The following TMTC2 variants were observed in gnomAD, a reference collection of about 807,000 sequenced individuals.
TMTC2 encodes protein O-mannosyl-transferase TMTC2.
A neutral mutation model predicts 82.4 loss-of-function variants in TMTC2; 43 were observed. The observed-to-expected ratio is 0.52, with a 90% CI of 0.41 to 0.67. The LOEUF is 0.67. Among genes scored for constraint, TMTC2 ranks in the 30% least tolerant of loss-of-function variants. The pLI is 0.00. For synonymous variants in TMTC2, 408 were observed against 381.9 expected, an observed-to-expected ratio of 1.07 and a Z score of -0.80; for missense variants, 919 against 1,012.4, an observed-to-expected ratio of 0.91 and a Z score of 1.25.
intron 7 of TMTC2, among the ~76,000 whole-genome samples, chr12:82,977,137 A>G (rs1194769559): frequency 6.6e-6 from 1 of 152,022 alleles, no homozygotes; most frequent in Admixed American, 6.6e-5. Flanking sequence ...TAAATCAAGA[A>G]TTGAATACTA....
intron 11 of TMTC2, among the ~76,000 whole-genome samples, chr12:83,083,409 T>C (rs1193758603): frequency 6.6e-6 from 1 of 152,232 alleles, no homozygotes; most frequent in African/African-American, 2.4e-5. Context: ...TCTCCTATCA[T>C]TGAGACTTTG....
chr12:82,976,020 TG>T (rs1440782526), intron 7 of TMTC2, among the ~76,000 whole-genome samples: 1 of 152,140 alleles, frequency 6.6e-6, no homozygotes, highest in Non-Finnish European at 1.5e-5. Flanking sequence ...ATTATATTTT[TG>T]GGGAAAAGAT....
At chr12:82,781,381 A>G (rs2137009318) in intron 1 of TMTC2, among the ~76,000 whole-genome samples, 1 of 143,046 alleles carries the variant, frequency 7.0e-6, no homozygotes, top group Admixed American at 7.1e-5. Context: ...TGAATAGAGT[A>G]TGTGTGTGGA....
intron 7 of TMTC2, among the ~76,000 whole-genome samples, chr12:82,983,873 G>A (rs574388525): frequency 9.2e-5 from 14 of 151,886 alleles, no homozygotes; most frequent in African/African-American, 3.1e-4. Context: ...TATCTTTTCT[G>A]TTATATAAAT....
chr12:83,088,306 C>T (rs1264591562), intron 11 of TMTC2, among the ~76,000 whole-genome samples: 1 of 152,190 alleles, frequency 6.6e-6, no homozygotes, highest in Admixed American at 6.5e-5. Context: ...CAGACAATTA[C>T]ATCTTTTTTT....
rs149616170 is a variant in TMTC2 at position 82,866,300 on chromosome 12, C to T, written c.654+8720C>T. On this transcript the variant is annotated intron_variant, in intron 2 of 11. Coordinates refer to ENST00000321196, the MANE Select transcript of TMTC2 (RefSeq NM_152588.3). ...CTTTCTCCTGTGTCCCTTCTCCCAA[C>T]CTTGATGAACAATGTTCAGATATTA... Among the ~76,000 whole-genome samples, 80 of 150,322 alleles carry T rather than the reference C, an allele frequency of 5.3e-4. 2 individuals are homozygous for T. The East Asian group carries it at 9.8e-3, about 18-fold the overall frequency.
At chr12:82,721,784 A>C (rs900349272) in intron 1 of TMTC2, among the ~76,000 whole-genome samples, 1 of 152,214 alleles carries the variant, frequency 6.6e-6, no homozygotes, top group Admixed American at 6.5e-5. Flanking sequence ...AATATGTGTG[A>C]CTATTTACGT....
intron 5 of TMTC2, 71 bp downstream of exon 5, chr12:82,965,180 C>A: frequency 8.5e-7 from 1 of 1,175,454 alleles, no homozygotes; most frequent in Non-Finnish European, 1.3e-6. Context: ...AATTTACAGC[C>A]TCACTGAGAA....
At chr12:82,815,293 T>A (rs893256477) in intron 1 of TMTC2, among the ~76,000 whole-genome samples, 3 of 150,444 alleles carry the variant, frequency 2.0e-5, no homozygotes, top group African/African-American at 4.9e-5. Flanking sequence ...ATTTATTTTT[T>A]TTAATTAATT....
chr12:82,712,429 C>CAAAAAA (rs58906003), intron 1 of TMTC2, among the ~76,000 whole-genome samples: 4 of 71,692 alleles, frequency 5.6e-5, no homozygotes, highest in South Asian at 5.5e-4. Flanking sequence ...AACTCCGTCT[C>CAAAAAA]AAAAAAAAAA....
intron 1 of TMTC2, among the ~76,000 whole-genome samples, chr12:82,793,043 GCA>G (rs1878542344): frequency 6.6e-6 from 1 of 151,988 alleles, no homozygotes; most frequent in South Asian, 2.1e-4. Flanking sequence ...CTTTGTAAGG[GCA>G]CCTTTTGATA....
intron 1 of TMTC2, among the ~76,000 whole-genome samples, chr12:82,693,968 CAAAAAAAAA>C (rs1005660355): frequency 9.6e-5 from 4 of 41,456 alleles, no homozygotes; most frequent in African/African-American, 3.5e-4. Flanking sequence ...AACTCCATCT[CAAAAAAAAA>C]AAAAAAAAAA....
chr12:83,088,516 C>T (rs1883736282), intron 11 of TMTC2, among the ~76,000 whole-genome samples: 1 of 152,158 alleles, frequency 6.6e-6, no homozygotes, highest in African/African-American at 2.4e-5. Context: ...CTTCTTTTTA[C>T]TTGAACACTT....
At chr12:82,984,486 G>A (rs1320307023) in intron 7 of TMTC2, among the ~76,000 whole-genome samples, 1 of 152,010 alleles carries the variant, frequency 6.6e-6, no homozygotes, top group Non-Finnish European at 1.5e-5. Flanking sequence ...AAAACAAAAA[G>A]GAATGAGTTC....
At chr12:82,739,545 C>T (rs1404224761) in intron 1 of TMTC2, among the ~76,000 whole-genome samples, 2 of 151,994 alleles carry the variant, frequency 1.3e-5, no homozygotes, top group Admixed American at 6.6e-5. Context: ...TAGGACTTGC[C>T]ATTTCTAACA....
chr12:83,052,494 G>A (rs1405914975), intron 10 of TMTC2, among the ~76,000 whole-genome samples: 1 of 152,118 alleles, frequency 6.6e-6, no homozygotes, highest in African/African-American at 2.4e-5. Flanking sequence ...CTCAATTTGT[G>A]TGACAAGGTT....
intron 3 of TMTC2, among the ~76,000 whole-genome samples, chr12:82,897,575 G>C (rs1434817780): frequency 1.3e-5 from 2 of 152,098 alleles, no homozygotes; most frequent in African/African-American, 4.8e-5. Flanking sequence ...GCCCAGGCCG[G>C]AGTGCAATGG....
intron 1 of TMTC2, among the ~76,000 whole-genome samples, chr12:82,844,637 T>TA (rs36078998): frequency 6.6e-6 from 1 of 151,672 alleles, no homozygotes; most frequent in East Asian, 2.0e-4. Flanking sequence ...CCGTCTCTAC[T>TA]AAAAAATACA....
At chr12:82,954,739 A>G (rs1158182487) in intron 4 of TMTC2, among the ~76,000 whole-genome samples, 3 of 152,142 alleles carry the variant, frequency 2.0e-5, no homozygotes, top group East Asian at 3.9e-4. Context: ...CTTTGTTAGA[A>G]CAAGAGGCGA....
Sources: allele counts gnomAD v4.1 joint callset (sites outside exome capture counted in the v4.1 genomes callset), GRCh38; gene constraint gnomAD v4.1.1; transcripts MANE v1.5; gene names NCBI Gene and HGNC (gene_info 2026-07-23, HGNC 2026-07-21).